LARP1: variants seen among roughly 807,000 people sequenced by gnomAD.
LARP1 encodes the protein La ribonucleoprotein 1, translational regulator.
In LARP1, 36 loss-of-function variants were observed where a neutral mutation model predicts 122.7. The observed-to-expected ratio is 0.29, with a 90% CI of 0.22 to 0.39. The LOEUF is 0.39. Ranked by LOEUF, LARP1 falls within the 10% of genes least tolerant of loss-of-function variation. The pLI is 1.00. For missense variants in LARP1, 1,040 were observed against 1,403.6 expected, an observed-to-expected ratio of 0.74 and a Z score of 4.14; for synonymous variants, 539 against 528.7, an observed-to-expected ratio of 1.02 and a Z score of -0.27.
chr5:154,758,043 C>T (rs1201192783), intron 1 of LARP1, among the ~76,000 whole-genome samples: 2 of 151,854 alleles, frequency 1.3e-5, no homozygotes, highest in Admixed American at 6.6e-5. Context: ...CTTCTCCCCT[C>T]TTTAAACTCA....
At chr5:154,794,368 G>A (rs973157615) in intron 7 of LARP1, 106 bp downstream of exon 7, 7 of 1,079,144 alleles carry the variant, frequency 6.5e-6, no homozygotes, top group Non-Finnish European at 8.0e-6. Context: ...AGCAGTTTCA[G>A]CCTCAGGCTG....
intron 1 of LARP1, among the ~76,000 whole-genome samples, chr5:154,690,415 T>C (rs1754138266): frequency 6.6e-6 from 1 of 152,230 alleles, no homozygotes; most frequent in African/African-American, 2.4e-5. Context: ...AGCCCCTTAC[T>C]AAGGCTTTGA....
chr5:154,742,340 T>C (rs1261663860), intron 1 of LARP1, among the ~76,000 whole-genome samples: 1 of 152,146 alleles, frequency 6.6e-6, no homozygotes, highest in East Asian at 1.9e-4. Context: ...GGCAGGTGGA[T>C]CACTTGAGGC....
rs143899837 is a variant in LARP1, at chr5:154,799,620, C to A, written c.1407C>A (p.Ile469=). ...AALKDSKVVE[I]VDEKVRRREE... is the part of the protein sequence containing the mutation. ...TAAAGGACAGCAAGGTGGTGGAGAT[C>A]GTTGATGAGAAAGTTCGTAGGAGGG... is the stretch of plus-strand genomic sequence containing the variant. The change falls in exon 9 of 19, where the codon ATC becomes ATA. Residue 469 remains isoleucine (I), a synonymous_variant. Coordinates refer to ENST00000518297, the MANE Select transcript of LARP1 (RefSeq NM_033551.3). The A allele has an allele frequency of 2.5e-6, 4 of 1,614,032 alleles. No homozygotes were observed. The South Asian group carries it at 3.3e-5, about 13-fold the overall frequency.
chr5:154,762,075 T>C (rs891412025), intron 1 of LARP1, among the ~76,000 whole-genome samples: 1 of 152,130 alleles, frequency 6.6e-6, no homozygotes, highest in Non-Finnish European at 1.5e-5. Context: ...ACCTCGTCTC[T>C]ACTAAAAATA....
intron 1 of LARP1, among the ~76,000 whole-genome samples, chr5:154,744,265 G>T (rs1027590163): frequency 6.6e-6 from 1 of 152,078 alleles, no homozygotes; most frequent in Non-Finnish European, 1.5e-5. Flanking sequence ...TGAAGTCCAG[G>T]TACCTCCAGG....
chr5:154,703,705 C>T lies in LARP1; in HGVS notation c.-180+20668C>T, dbSNP rs559836387. Among the ~76,000 whole-genome samples the T allele has an allele frequency of 4.6e-5, 7 of 152,312 alleles. No homozygotes were observed. The East Asian group carries it at 1.2e-3, about 25-fold the overall frequency. On this transcript the variant is annotated intron_variant, in intron 1 of 18. Coordinates refer to the LARP1 transcript ENST00000687700. ...GCACCATCTCTGCTCACTGCAACCT[C>T]CGTGACCTGGGCTCAAGCAATTCTC...
chr5:154,795,485 C>T (rs1757675537), intron 8 of LARP1, among the ~76,000 whole-genome samples, 166 bp downstream of exon 8: 2 of 152,050 alleles, frequency 1.3e-5, no homozygotes, highest in Admixed American at 6.6e-5. Flanking sequence ...TCCTTTCTCT[C>T]CCTCTCTTGC....
chr5:154,756,170 C>T lies in LARP1; in HGVS notation c.413C>T (p.Thr138Ile). 5 of 1,313,706 alleles carry T rather than the reference C, an allele frequency of 3.8e-6. No individual in the cohort carries two copies. Among genetic ancestry groups the T allele is most frequent in the Non-Finnish European group, 5.0e-6 (5 of 997,396 alleles). The allele number at this position is 1,313,706 out of a possible 1,614,324, so 81.4% of individuals were successfully genotyped here. Residue 138 changes from threonine (T) to isoleucine (I), a missense_variant, in exon 1 of 19, where the codon ACC (threonine) becomes ATC (isoleucine). Transcript: ENST00000518297. ...AACGCATTGCCGCCGGTCCTGACCA[C>T]CGTGAACGGACAGTCCCCCCCAGGT... ...TKNALPPVLT[T>I]VNGQSPPEHS... is the part of the protein sequence containing the mutation.
chr5:154,737,436 C>CTTTTTTTTTTTTT (rs10526758), intron 1 of LARP1, among the ~76,000 whole-genome samples: 3 of 95,304 alleles, frequency 3.1e-5, no homozygotes, highest in African/African-American at 4.4e-5. Flanking sequence ...GAATTTTTCT[C>CTTTTTTTTTTTTT]TTTTTTTTTT....
chr5:154,776,229 G>A (rs1268751181), intron 1 of LARP1, among the ~76,000 whole-genome samples: 1 of 152,202 alleles, frequency 6.6e-6, no homozygotes, highest in African/African-American at 2.4e-5. Context: ...TCGGCTGTGA[G>A]GCAAAAGCAG....
intron 1 of LARP1, among the ~76,000 whole-genome samples, chr5:154,778,495 TCA>T (rs1386474367): frequency 6.6e-6 from 1 of 152,138 alleles, no homozygotes; most frequent in Non-Finnish European, 1.5e-5. Flanking sequence ...GACAAGCTCC[TCA>T]CATGATAATT....
At chr5:154,786,536 T>G in intron 1 of LARP1, 3 of 455,184 alleles carry the variant, frequency 6.6e-6, no homozygotes, top group Non-Finnish European at 1.3e-5. Context: ...GGACTCTGTC[T>G]GCCATCCACC....
chr5:154,689,085 G>A (rs577314071), intron 1 of LARP1, among the ~76,000 whole-genome samples: 19 of 151,642 alleles, frequency 1.3e-4, no homozygotes, highest in Admixed American at 9.2e-4. Flanking sequence ...TTGGGAGGCC[G>A]AGGTGGGTGG....
intron 1 of LARP1, among the ~76,000 whole-genome samples, chr5:154,749,774 T>G (rs139758696): frequency 6.6e-6 from 1 of 152,184 alleles, no homozygotes; most frequent in Non-Finnish European, 1.5e-5. Context: ...AAGTGATTAG[T>G]GCAAGCTCTT....
chr5:154,698,575 C>G (rs987933597), intron 1 of LARP1, among the ~76,000 whole-genome samples: 1 of 151,922 alleles, frequency 6.6e-6, no homozygotes, highest in South Asian at 2.1e-4. Flanking sequence ...CCAGCCTGGG[C>G]GACAAGAGCG....
intron 1 of LARP1, among the ~76,000 whole-genome samples, chr5:154,746,953 G>GTATTTTTA (rs1753224234): frequency 6.6e-6 from 1 of 152,134 alleles, no homozygotes. Flanking sequence ...TGACCAACAT[G>GTATTTTTA]GTGAAACTCC....
intron 8 of LARP1, among the ~76,000 whole-genome samples, chr5:154,799,053 G>A (rs1313817880): frequency 6.6e-6 from 1 of 152,146 alleles, no homozygotes; most frequent in African/African-American, 2.4e-5. Flanking sequence ...TAGTAGAGAT[G>A]GGGTTTCACC....
chr5:154,710,822 C>T (rs13184061), upstream of LARP1, among the ~76,000 whole-genome samples: 1,857 of 151,716 alleles, frequency 0.012, 15 homozygotes, highest in Non-Finnish European at 0.02. Context: ...TAACCCCTTT[C>T]GTCTTTCACT....
Sources: allele counts gnomAD v4.1 joint callset (sites outside exome capture counted in the v4.1 genomes callset), GRCh38; gene constraint gnomAD v4.1.1; transcripts MANE v1.5; gene names NCBI Gene and HGNC (gene_info 2026-07-23, HGNC 2026-07-21).